Variants in BTD observed in about 807,000 individuals in gnomAD.
The protein encoded by BTD is biocytinase.
Under a neutral mutation model 17.7 loss-of-function variants are expected in BTD, and 13 were observed. That is an observed-to-expected ratio of 0.74 (90% CI 0.48 to 1.17). The LOEUF is 1.17. Ranked by LOEUF, BTD falls within the 50% of genes most tolerant of loss-of-function variation. BTD has a pLI of 0.00. For missense variants in BTD, 674 were observed against 650.4 expected (o/e 1.04, Z -0.39); for synonymous variants, 240 against 245.2 (o/e 0.98, Z 0.20).
intron 3 of BTD, among the ~76,000 whole-genome samples, chr3:15,660,956 T>A (rs934724399): frequency 6.6e-6 from 1 of 152,098 alleles, no homozygotes; most frequent in African/African-American, 2.4e-5. Flanking sequence ...CATTTTGCGT[T>A]CCCACCAGTA....
chr3:15,694,078 C>T (rs2069184448), intron 3 of BTD, among the ~76,000 whole-genome samples: 1 of 152,038 alleles, frequency 6.6e-6, no homozygotes, highest in South Asian at 2.1e-4. Context: ...CTCTAACATG[C>T]TTTGTCTCAA....
At chr3:15,685,125 G>C (rs902699399) in intron 3 of BTD, 27 of 1,225,784 alleles carry the variant, frequency 2.2e-5, no homozygotes, top group Non-Finnish European at 2.8e-5. Flanking sequence ...TTATTCCCAA[G>C]GTTTTTGCTA....
chr3:15,610,818 T>G (rs2064598944), intron 1 of BTD, among the ~76,000 whole-genome samples: 1 of 152,180 alleles, frequency 6.6e-6, no homozygotes, highest in South Asian at 2.1e-4. Context: ...AGGGTATTTT[T>G]TAATGGACAA....
chr3:15,698,231 A>C (rs1003479496), intron 3 of BTD, among the ~76,000 whole-genome samples: 14 of 152,174 alleles, frequency 9.2e-5, no homozygotes, highest in African/African-American at 3.4e-4. Context: ...GTATTGATGG[A>C]ATGTATCTCA....
intron 3 of BTD, chr3:15,689,744 A>G (rs968386749): frequency 4.7e-5 from 14 of 296,812 alleles, no homozygotes; most frequent in Middle Eastern, 2.0e-3. Context: ...CTTTATATGA[A>G]TATTTTTTGT....
At chr3:15,631,967 G>C (rs532480676) in intron 1 of BTD, among the ~76,000 whole-genome samples, 5 of 152,258 alleles carry the variant, frequency 3.3e-5, no homozygotes, top group Admixed American at 1.3e-4. Flanking sequence ...TTCTCTCTCT[G>C]TGATTCCTTT....
chr3:15,675,940 G>C (rs376359406), intron 3 of BTD: 1 of 1,613,062 alleles, frequency 6.2e-7, no homozygotes, highest in Non-Finnish European at 8.5e-7. Context: ...TTTCCCAAAA[G>C]TTCCTGAACC....
At chr3:15,705,123 G>GT (rs1247707424) in intron 3 of BTD, among the ~76,000 whole-genome samples, 1 of 152,136 alleles carries the variant, frequency 6.6e-6, no homozygotes, top group Non-Finnish European at 1.5e-5. Context: ...ACTTTCCAGT[G>GT]TATCAGGCTG....
intron 1 of BTD, among the ~76,000 whole-genome samples, chr3:15,604,074 T>C (rs1574966785): frequency 6.6e-6 from 1 of 152,228 alleles, no homozygotes; most frequent in African/African-American, 2.4e-5. Flanking sequence ...GGTGGCCCTC[T>C]TCTCACAGTT....
rs895450766 is a variant in BTD at position 15,650,836 on chromosome 3, C to G, written c.*5348C>G. Among the ~76,000 whole-genome samples the G allele has an allele frequency of 6.6e-6, 1 of 152,202 alleles. No homozygotes were observed. Among genetic ancestry groups the G allele is most frequent in the African/African-American group, 2.4e-5 (1 of 41,456 alleles). On this transcript the variant is annotated 3_prime_UTR_variant, in exon 4 of 4. Coordinates refer to ENST00000643237, the MANE Select transcript of BTD (RefSeq NM_001370658.1). ...CCGGGCAGGAGTGCAATGGCATGAT[C>G]TCGGCTCACTGCAAGCTCTGCCTCC...
intron 1 of BTD, among the ~76,000 whole-genome samples, chr3:15,619,664 A>G (rs56263384): frequency 0.18 from 27,206 of 152,182 alleles, 3,711 homozygotes; most frequent in African/African-American, 0.37. Flanking sequence ...TATTGCATCT[A>G]TATTTATGAG....
chr3:15,701,447 C>T (rs1158250062), intron 3 of BTD, among the ~76,000 whole-genome samples: 1 of 152,194 alleles, frequency 6.6e-6, no homozygotes, highest in East Asian at 1.9e-4. Context: ...GAGTTCAAGA[C>T]CTGCCTGACC....
intron 3 of BTD, among the ~76,000 whole-genome samples, chr3:15,687,562 G>C (rs2068278871): frequency 6.6e-6 from 1 of 152,098 alleles, no homozygotes; most frequent in South Asian, 2.1e-4. Flanking sequence ...ATACAGAAAA[G>C]AACGTCTATC....
chr3:15,713,231 G>A (rs2072566325), downstream of BTD, among the ~76,000 whole-genome samples: 1 of 152,038 alleles, frequency 6.6e-6, no homozygotes, highest in Non-Finnish European at 1.5e-5. Context: ...GGACTTTTAA[G>A]TACTTCTAGG....
At chr3:15,633,880 G>C (rs1357558693) in intron 1 of BTD, among the ~76,000 whole-genome samples, 2 of 152,206 alleles carry the variant, frequency 1.3e-5, no homozygotes, top group Non-Finnish European at 1.5e-5. Flanking sequence ...ATTCAGATAA[G>C]AAAGCTTATC....
intron 3 of BTD, among the ~76,000 whole-genome samples, chr3:15,701,868 A>G (rs2070681745): frequency 6.6e-6 from 1 of 152,148 alleles, no homozygotes; most frequent in Non-Finnish European, 1.5e-5. Flanking sequence ...GACAGTGCTC[A>G]CTGGGATGCA....
intron 1 of BTD, chr3:15,602,259 C>CT: frequency 7.9e-7 from 1 of 1,262,302 alleles, no homozygotes; most frequent in Non-Finnish European, 1.0e-6. Context: ...ATCCTGTTTC[C>CT]TACCCACTAT....
At position 15,602,039 on chromosome 3, in the gene BTD, G is replaced by C. The variant is rs1374110374; in HGVS notation, c.-17+145G>C. 3.4e-6 allele frequency: 5 copies of C among 1,482,516 alleles called. No homozygotes were observed. The African/African-American group carries it at 7.0e-5, about 21-fold the overall frequency. The allele number at this position is 1,482,516 out of a possible 1,614,324, so 91.8% of individuals were successfully genotyped here. ...AGCCCGGCGCGCGTCGTTTGCTGGGGCTGTTTGTGCGTTGCTGCTGTGCTA... is the reference window on the plus strand; with the variant it reads ...AGCCCGGCGCGCGTCGTTTGCTGGGCCTGTTTGTGCGTTGCTGCTGTGCTA... On this transcript the variant is annotated intron_variant, in intron 1 of 3. Coordinates refer to ENST00000643237, the MANE Select transcript of BTD (RefSeq NM_001370658.1).
intron 1 of BTD, among the ~76,000 whole-genome samples, chr3:15,608,581 C>T (rs1236365858): frequency 6.6e-6 from 1 of 152,150 alleles, no homozygotes; most frequent in Non-Finnish European, 1.5e-5. Context: ...TCCTGGCCAA[C>T]ATGGTGAAAC....
Sources: allele counts gnomAD v4.1 joint callset (sites outside exome capture counted in the v4.1 genomes callset), GRCh38; gene constraint gnomAD v4.1.1; transcripts MANE v1.5; gene names NCBI Gene and HGNC (gene_info 2026-07-23, HGNC 2026-07-21).